The following SAMTOR variants were observed in gnomAD, a reference collection of about 807,000 sequenced individuals.
The protein encoded by SAMTOR is S-adenosylmethionine sensor upstream of mTORC1, also known as UPF0532 protein C7orf60.
At chr7:112,865,172 G>A in the SAMTOR span, among the ~76,000 whole-genome samples, 3 of 152,110 alleles carry the variant, frequency 2.0e-5, no homozygotes, top group Admixed American at 6.5e-5. Context: ...ATTCTCAGTC[G>A]GGCACAGTGG....
chr7:112,917,709 A>T, the SAMTOR span, among the ~76,000 whole-genome samples: 2 of 152,190 alleles, frequency 1.3e-5, no homozygotes, highest in Non-Finnish European at 2.9e-5. Context: ...AAAAAAATTT[A>T]GACAAATGTA....
the SAMTOR span, among the ~76,000 whole-genome samples, chr7:112,836,740 T>C: frequency 2.0e-5 from 3 of 152,164 alleles, no homozygotes; most frequent in East Asian, 5.8e-4. Flanking sequence ...GTCAACTTTA[T>C]CGAAGATCAG....
chr7:112,922,502 G>T, the SAMTOR span, among the ~76,000 whole-genome samples: 1 of 151,384 alleles, frequency 6.6e-6, no homozygotes, highest in Non-Finnish European at 1.5e-5. Flanking sequence ...ATCCCATCTA[G>T]GAAGTGAGGA....
At chr7:112,902,265 G>A in the SAMTOR span, among the ~76,000 whole-genome samples, 1 of 151,660 alleles carries the variant, frequency 6.6e-6, no homozygotes, top group African/African-American at 2.4e-5. Context: ...GCCAGGCATG[G>A]TGGCGCATGC....
the SAMTOR span, among the ~76,000 whole-genome samples, chr7:112,843,269 A>G: frequency 6.6e-6 from 1 of 152,040 alleles, no homozygotes; most frequent in African/African-American, 2.4e-5. Flanking sequence ...GTTATCCTGA[A>G]ATAGTTATCA....
At chr7:112,923,191 C>T in the SAMTOR span, among the ~76,000 whole-genome samples, 1 of 152,244 alleles carries the variant, frequency 6.6e-6, no homozygotes, top group South Asian at 2.1e-4. Flanking sequence ...TAACCCTGTG[C>T]TCTCTGAAAC....
the SAMTOR span, among the ~76,000 whole-genome samples, chr7:112,915,102 G>C: frequency 1.3e-5 from 2 of 152,186 alleles, no homozygotes; most frequent in South Asian, 4.2e-4. Context: ...GCTGGGCACA[G>C]TGGTGGGTGC....
chr7:112,885,157 T>TG, the SAMTOR span, among the ~76,000 whole-genome samples: 1 of 78,760 alleles, frequency 1.3e-5, no homozygotes, highest in South Asian at 3.6e-4. Flanking sequence ...GTCTCAAGGC[T>TG]GCACAGGGCA....
the SAMTOR span, among the ~76,000 whole-genome samples, chr7:112,919,820 C>A: frequency 6.6e-6 from 1 of 152,158 alleles, no homozygotes; most frequent in East Asian, 1.9e-4. Flanking sequence ...ACTACAAACA[C>A]CTCTACGCAA....
At chr7:112,874,974 G>A in the SAMTOR span, among the ~76,000 whole-genome samples, 1 of 152,088 alleles carries the variant, frequency 6.6e-6, no homozygotes, top group Non-Finnish European at 1.5e-5. Context: ...AATCACAGGG[G>A]GAATCTAAGT....
chr7:112,914,082 G>C, the SAMTOR span, among the ~76,000 whole-genome samples: 4 of 152,152 alleles, frequency 2.6e-5, no homozygotes, highest in East Asian at 7.7e-4. Context: ...AAAGAACTAA[G>C]TTAAATACAT....
chr7:112,890,768 G>A, the SAMTOR span, among the ~76,000 whole-genome samples: 1 of 151,680 alleles, frequency 6.6e-6, no homozygotes, highest in East Asian at 1.9e-4. Flanking sequence ...TCTACTCACT[G>A]CAACCTCCAC....
the SAMTOR span, among the ~76,000 whole-genome samples, chr7:112,916,847 C>G: frequency 6.6e-6 from 1 of 152,216 alleles, no homozygotes; most frequent in Non-Finnish European, 1.5e-5. Flanking sequence ...ATTGCTAGCA[C>G]AGCAGTCTGA....
At chr7:112,930,974 A>T in the SAMTOR span, among the ~76,000 whole-genome samples, 1 of 152,206 alleles carries the variant, frequency 6.6e-6, no homozygotes, top group East Asian at 1.9e-4. Context: ...CAACAGAGGA[A>T]AGTACACAGA....
At chr7:112,854,141 A>G in the SAMTOR span, among the ~76,000 whole-genome samples, 1 of 152,188 alleles carries the variant, frequency 6.6e-6, no homozygotes, top group East Asian at 1.9e-4. Context: ...GGAACAGCAG[A>G]AAAAAATAGT....
chr7:112,900,372 G>T, the SAMTOR span, among the ~76,000 whole-genome samples: 1 of 152,150 alleles, frequency 6.6e-6, no homozygotes, highest in African/African-American at 2.4e-5. Context: ...AATGGTGTAG[G>T]TTCCAGCTAG....
chr7:112,874,146 A>G, the SAMTOR span, among the ~76,000 whole-genome samples: 3 of 152,246 alleles, frequency 2.0e-5, no homozygotes, highest in South Asian at 4.1e-4. Context: ...GGAGTTTCTC[A>G]GAAAACTAAA....
chr7:112,857,377 C>A, the SAMTOR span, among the ~76,000 whole-genome samples: 7 of 148,760 alleles, frequency 4.7e-5, no homozygotes, highest in Non-Finnish European at 7.4e-5. Context: ...AGGCGTGAGC[C>A]ACCGCGCCCG....
chr7:112,821,510 G>A, the SAMTOR span: 1 of 380,850 alleles, frequency 2.6e-6, no homozygotes, highest in Non-Finnish European at 4.7e-6. Context: ...AGTGCTAAAT[G>A]CTAAAGTAAC....
Sources: allele counts gnomAD v4.1 joint callset (sites outside exome capture counted in the v4.1 genomes callset), GRCh38; gene constraint gnomAD v4.1.1; transcripts MANE v1.5; gene names NCBI Gene and HGNC (gene_info 2026-07-23, HGNC 2026-07-21).